The following MBD5 variants were observed in gnomAD, a reference collection of about 807,000 sequenced individuals.
MBD5 encodes methyl-CpG-binding domain protein 5.
A neutral mutation model predicts 117.3 loss-of-function variants in MBD5; 13 were observed. The ratio of observed to expected loss-of-function variants is 0.11; its 90% CI spans 0.07 to 0.18. The LOEUF (loss-of-function observed/expected upper bound fraction) is 0.18, where lower values mean the gene tolerates loss of function less well. MBD5 is among the 10% of genes least tolerant of loss of function. MBD5 has a pLI of 1.00. For synonymous variants in MBD5, 727 were observed against 766.4 expected, an observed-to-expected ratio of 0.95 and a Z score of 0.85; for missense variants, 1,879 against 2,093.8, an observed-to-expected ratio of 0.90 and a Z score of 2.00.
At chr2:148,349,851 A>T (rs951606151) in intron 4 of MBD5, among the ~76,000 whole-genome samples, 4 of 152,036 alleles carry the variant, frequency 2.6e-5, no homozygotes, top group African/African-American at 9.7e-5. Flanking sequence ...ATAGTAGAAC[A>T]CAATTTCAGT....
At chr2:148,383,650 C>A (rs1314849327) in intron 4 of MBD5, among the ~76,000 whole-genome samples, 4 of 149,128 alleles carry the variant, frequency 2.7e-5, no homozygotes, top group African/African-American at 4.9e-5. Flanking sequence ...AGAGACAAAA[C>A]AAAAAAAAAA....
At chr2:148,361,445 C>A (rs1292979143) in intron 4 of MBD5, among the ~76,000 whole-genome samples, 6 of 152,068 alleles carry the variant, frequency 3.9e-5, no homozygotes, top group Non-Finnish European at 7.4e-5. Context: ...ACTGACTCCC[C>A]TGTTTTATTA....
At chr2:148,155,171 T>C (rs944273279) in intron 1 of MBD5, among the ~76,000 whole-genome samples, 2 of 152,158 alleles carry the variant, frequency 1.3e-5, no homozygotes, top group African/African-American at 4.8e-5. Context: ...AAGATGAGGA[T>C]AAAAGTTGCA....
In MBD5 at chr2:148,108,083, G is replaced by T. The variant is rs529597079; in HGVS notation, c.-924-70617G>T. On this transcript the variant is annotated intron_variant, in intron 1 of 13. Transcript: ENST00000642680. Reference sequence around the variant, plus strand: ...AAGATTTATATTTCCTCTCCCCCGAGTTCCAAACTTCTGTACAGCCAATTT... The same window carrying T: ...AAGATTTATATTTCCTCTCCCCCGATTTCCAAACTTCTGTACAGCCAATTT... Among the ~76,000 whole-genome samples, 4 of 147,228 alleles carry T rather than the reference G, an allele frequency of 2.7e-5. No homozygotes were observed. The South Asian group carries it at 9.4e-4, about 34-fold the overall frequency.
chr2:148,509,908 C>A, intron 12 of MBD5, 152 bp from the exon 13 acceptor site: 1 of 675,006 alleles, frequency 1.5e-6, no homozygotes, highest in Non-Finnish European at 2.7e-6. Flanking sequence ...ATAAGAATCC[C>A]AGAGTGATGT....
chr2:148,304,009 A>G (rs796105694), intron 3 of MBD5, among the ~76,000 whole-genome samples: 2 of 152,296 alleles, frequency 1.3e-5, no homozygotes, highest in African/African-American at 4.8e-5. Flanking sequence ...GCCAACTTAT[A>G]ATGCCCTCAT....
intron 4 of MBD5, among the ~76,000 whole-genome samples, chr2:148,364,537 A>G (rs1004402480): frequency 2.5e-4 from 38 of 152,220 alleles, no homozygotes; most frequent in African/African-American, 9.1e-4. Flanking sequence ...CCAATTAGAC[A>G]CAGGCTGGCA....
chr2:148,429,237 A>T (rs1048778657), intron 4 of MBD5, among the ~76,000 whole-genome samples: 1 of 152,198 alleles, frequency 6.6e-6, no homozygotes, highest in African/African-American at 2.4e-5. Flanking sequence ...CAACAAACAT[A>T]TGAAAAAAAA....
intron 1 of MBD5, among the ~76,000 whole-genome samples, chr2:148,087,958 A>T (rs1000981926): frequency 6.6e-6 from 1 of 152,172 alleles, no homozygotes; most frequent in Non-Finnish European, 1.5e-5. Flanking sequence ...TCTGAAATAA[A>T]TTTTAAAAAA....
At chr2:148,226,880 T>C (rs1370407516) in intron 2 of MBD5, among the ~76,000 whole-genome samples, 1 of 152,248 alleles carries the variant, frequency 6.6e-6, no homozygotes, top group Non-Finnish European at 1.5e-5. Context: ...TGAGCATTTT[T>C]TCATGTGTGT....
At chr2:148,294,372 C>CACA in intron 3 of MBD5, among the ~76,000 whole-genome samples, 1 of 145,722 alleles carries the variant, frequency 6.9e-6, no homozygotes, top group East Asian at 2.0e-4. Context: ...CTACAGGTGC[C>CACA]CGCCACCACG....
chr2:148,057,480 T>C (rs1365871632), intron 1 of MBD5, among the ~76,000 whole-genome samples: 1 of 151,856 alleles, frequency 6.6e-6, no homozygotes, highest in Non-Finnish European at 1.5e-5. Flanking sequence ...CTGAGTTTTT[T>C]AGAAGTGTTT....
chr2:148,168,184 G>T (rs1698172663), intron 1 of MBD5, among the ~76,000 whole-genome samples: 1 of 152,032 alleles, frequency 6.6e-6, no homozygotes, highest in Admixed American at 6.6e-5. Context: ...GACCTTCAAG[G>T]CTACCATGAT....
intron 2 of MBD5, among the ~76,000 whole-genome samples, chr2:148,181,369 A>G (rs570565543): frequency 3.9e-5 from 6 of 152,318 alleles, no homozygotes; most frequent in Admixed American, 2.6e-4. Context: ...TCTTTAGAAT[A>G]TATACCCAGG....
intron 4 of MBD5, among the ~76,000 whole-genome samples, chr2:148,345,554 T>C (rs10084372): frequency 1.2e-5 from 1 of 86,794 alleles, no homozygotes; most frequent in South Asian, 3.6e-4. Context: ...TACACATACA[T>C]ATGTATATAC....
At chr2:148,354,056 T>C (rs1050936617) in intron 4 of MBD5, among the ~76,000 whole-genome samples, 8 of 152,196 alleles carry the variant, frequency 5.3e-5, no homozygotes, top group Non-Finnish European at 8.8e-5. Context: ...AGGTCTTTCA[T>C]TTTTGCATTT....
At chr2:148,161,544 T>C (rs1293305606) in intron 1 of MBD5, among the ~76,000 whole-genome samples, 4 of 152,068 alleles carry the variant, frequency 2.6e-5, no homozygotes, top group African/African-American at 7.2e-5. Context: ...AATCCATACT[T>C]TTTTTTTCTT....
intron 1 of MBD5, among the ~76,000 whole-genome samples, chr2:148,082,956 T>C (rs1047947300): frequency 1.1e-4 from 17 of 152,228 alleles, no homozygotes; most frequent in African/African-American, 3.9e-4. Flanking sequence ...TGATCTCCTA[T>C]AGTCCTTCAA....
intron 2 of MBD5, among the ~76,000 whole-genome samples, chr2:148,225,030 A>G (rs931656069): frequency 3.3e-5 from 5 of 151,920 alleles, no homozygotes; most frequent in Non-Finnish European, 5.9e-5. Flanking sequence ...CAGCAACTCA[A>G]TGTCTTTTGA....
Sources: allele counts gnomAD v4.1 joint callset (sites outside exome capture counted in the v4.1 genomes callset), GRCh38; gene constraint gnomAD v4.1.1; transcripts MANE v1.5; gene names NCBI Gene and HGNC (gene_info 2026-07-23, HGNC 2026-07-21).